Variants in LCORL observed in about 807,000 individuals in gnomAD.
LCORL encodes the protein ligand dependent nuclear receptor corepressor like.
Under a neutral mutation model 141.8 loss-of-function variants are expected in LCORL, and 41 were observed. The ratio of observed to expected loss-of-function variants is 0.29; its 90% CI spans 0.23 to 0.38. LCORL has a LOEUF of 0.38. Among genes scored for constraint, LCORL ranks in the 10% least tolerant of loss-of-function variants. LCORL has a pLI of 1.00. For missense variants in LCORL, 1,759 were observed against 2,035.0 expected, an observed-to-expected ratio of 0.86 and a Z score of 2.61; for synonymous variants, 618 against 694.1, an observed-to-expected ratio of 0.89 and a Z score of 1.72.
chr4:18,002,253 A>G (rs1463027500), intron 1 of LCORL, among the ~76,000 whole-genome samples: 1 of 152,210 alleles, frequency 6.6e-6, no homozygotes, highest in East Asian at 1.9e-4. Flanking sequence ...GGTCTATAAT[A>G]AGCAATATCT....
chr4:17,874,302 G>C, exon 7 of LCORL: 1 of 1,233,928 alleles, frequency 8.1e-7, no homozygotes, highest in Non-Finnish European at 1.0e-6. Flanking sequence ...TTTTGAAGGA[G>C]AAGAGAGTGC....
chr4:17,944,988 T>C (rs1241649914), intron 4 of LCORL, among the ~76,000 whole-genome samples: 1 of 152,142 alleles, frequency 6.6e-6, no homozygotes, highest in East Asian at 1.9e-4. Flanking sequence ...TTCATAATTA[T>C]ATGTAAAATA....
chr4:18,009,914 CCA>C (rs1723426197), intron 1 of LCORL, among the ~76,000 whole-genome samples: 1 of 152,142 alleles, frequency 6.6e-6, no homozygotes, highest in Non-Finnish European at 1.5e-5. Context: ...GCTCTGCCTC[CCA>C]CGCACCCCAC....
intron 5 of LCORL, among the ~76,000 whole-genome samples, chr4:17,900,854 T>C (rs1408953345): frequency 6.6e-6 from 1 of 152,164 alleles, no homozygotes; most frequent in Non-Finnish European, 1.5e-5. Flanking sequence ...AGTAAAAATA[T>C]ATTTGAACAG....
chr4:17,961,792 C>G, intron 4 of LCORL, 111 bp downstream of exon 4: 1 of 737,752 alleles, frequency 1.4e-6, no homozygotes, highest in East Asian at 2.8e-5. Flanking sequence ...AATAAAGAAA[C>G]AATAAAGAGT....
At chr4:17,863,771 A>G (rs1284472902) in intron 7 of LCORL, among the ~76,000 whole-genome samples, 1 of 152,248 alleles carries the variant, frequency 6.6e-6, no homozygotes, top group Non-Finnish European at 1.5e-5. Flanking sequence ...TAGAATAGGT[A>G]AAGAAAATAT....
intron 1 of LCORL, among the ~76,000 whole-genome samples, chr4:18,004,526 T>A (rs187111296): frequency 1.3e-5 from 2 of 152,138 alleles, no homozygotes; most frequent in Non-Finnish European, 2.9e-5. Context: ...CCCACTCCCA[T>A]AATCCAATCA....
intron 4 of LCORL, among the ~76,000 whole-genome samples, chr4:17,949,958 C>T (rs181799364): frequency 6.6e-6 from 1 of 152,214 alleles, no homozygotes; most frequent in African/African-American, 2.4e-5. Flanking sequence ...GTGTTTAAAC[C>T]ACTATGCACA....
intron 5 of LCORL, among the ~76,000 whole-genome samples, chr4:17,906,523 A>C (rs1229627695): frequency 6.6e-6 from 1 of 152,038 alleles, no homozygotes; most frequent in African/African-American, 2.4e-5. Context: ...CACTATCACT[A>C]CTCTTTCCAA....
chr4:18,011,261 C>A (rs1273038549), intron 1 of LCORL, among the ~76,000 whole-genome samples: 5 of 152,196 alleles, frequency 3.3e-5, no homozygotes, highest in African/African-American at 1.2e-4. Context: ...TGTCTTAATA[C>A]ATTCAAGTGA....
chr4:17,959,427 A>AT (rs1713345233), intron 4 of LCORL, among the ~76,000 whole-genome samples: 1 of 151,980 alleles, frequency 6.6e-6, no homozygotes, highest in Non-Finnish European at 1.5e-5. Context: ...AAATCATGGT[A>AT]TTTAACTTTT....
intron 7 of LCORL, among the ~76,000 whole-genome samples, chr4:17,865,622 G>T (rs912120570): frequency 1.3e-5 from 2 of 152,200 alleles, no homozygotes; most frequent in African/African-American, 4.8e-5. Context: ...TGTTTAAAGG[G>T]AAACTTATAA....
chr4:17,909,359 A>C lies in LCORL; in HGVS notation c.431-14T>G. ...TCTGAGGAAGATCTAGGGAAGAAAT[A>C]AATATAATAATCATTTTAAAAAGAG... On this transcript the variant is annotated splice_polypyrimidine_tract_variant and intron_variant, in intron 4 of 7. Coordinates refer to ENST00000635767, the Ensembl canonical transcript of LCORL. The C allele has an allele frequency of 6.5e-7, 1 of 1,530,328 alleles. No homozygotes were observed. Among genetic ancestry groups the C allele is most frequent in the African/African-American group, 1.4e-5 (1 of 71,782 alleles). The allele number at this position is 1,530,328 out of a possible 1,614,324, so 94.8% of individuals were successfully genotyped here.
At chr4:17,979,497 T>A (rs933579218) in intron 1 of LCORL, among the ~76,000 whole-genome samples, 9 of 152,234 alleles carry the variant, frequency 5.9e-5, no homozygotes. Context: ...TAGCTCTCCA[T>A]ACCTTACAGA....
At chr4:17,891,325 A>G (rs1320299808) in intron 5 of LCORL, among the ~76,000 whole-genome samples, 9 of 152,154 alleles carry the variant, frequency 5.9e-5, no homozygotes, top group Admixed American at 2.0e-4. Flanking sequence ...ACTGGGCAAC[A>G]TAGTAAGACT....
intron 4 of LCORL, chr4:17,912,351 G>C: frequency 1.5e-6 from 1 of 667,836 alleles, no homozygotes; most frequent in African/African-American, 1.8e-5. Flanking sequence ...ACCATGAAGA[G>C]GAAGTAAAAG....
At chr4:18,015,727 G>A (rs1046582536) in intron 1 of LCORL, among the ~76,000 whole-genome samples, 1 of 151,830 alleles carries the variant, frequency 6.6e-6, no homozygotes, top group Non-Finnish European at 1.5e-5. Context: ...GTGACAAGAT[G>A]AGGGAGAAGT....
intron 4 of LCORL, 120 bp from the exon 5 acceptor site, chr4:17,909,465 C>T: frequency 1.7e-6 from 1 of 587,412 alleles, no homozygotes; most frequent in Non-Finnish European, 2.7e-6. Flanking sequence ...GTCCATAACT[C>T]CCAATGTTTT....
At chr4:17,995,847 T>C (rs1376053239) in intron 1 of LCORL, among the ~76,000 whole-genome samples, 1 of 152,134 alleles carries the variant, frequency 6.6e-6, no homozygotes, top group Non-Finnish European at 1.5e-5. Context: ...AGACTCAGGT[T>C]GGAGTCCATG....
Sources: gnomAD v4.1 joint callset for allele counts (sites outside exome capture counted in the v4.1 genomes callset) on GRCh38, gnomAD v4.1.1 for gene constraint, MANE v1.5 for transcripts, NCBI Gene and HGNC (gene_info 2026-07-23, HGNC 2026-07-21) for gene names.